Variants in FBXL5 observed in about 807,000 individuals in gnomAD.
The protein encoded by FBXL5 is F-box and leucine rich repeat protein 5, also known as F-box/LRR-repeat protein 5.
Under a neutral mutation model 78.3 loss-of-function variants are expected in FBXL5, and 26 were observed. The ratio of observed to expected loss-of-function variants is 0.33; its 90% CI spans 0.24 to 0.46. The LOEUF (loss-of-function observed/expected upper bound fraction) is 0.46, where lower values mean the gene tolerates loss of function less well. Among genes scored for constraint, FBXL5 ranks in the 20% least tolerant of loss-of-function variants. The pLI, the probability that FBXL5 is intolerant of heterozygous loss-of-function variation, is 1.00. For missense variants in FBXL5, 710 were observed against 829.2 expected (o/e 0.86, Z 1.77); for synonymous variants, 295 against 282.5 (o/e 1.04, Z -0.45).
chr4:15,615,074 G>T (rs1711658303), intron 9 of FBXL5, among the ~76,000 whole-genome samples: 2 of 152,300 alleles, frequency 1.3e-5, no homozygotes, highest in Non-Finnish European at 2.9e-5. Context: ...GGCTGCGGAG[G>T]GTGTACTGGG....
chr4:15,629,212 C>T (rs1713378334), intron 6 of FBXL5, among the ~76,000 whole-genome samples: 2 of 152,058 alleles, frequency 1.3e-5, no homozygotes, highest in South Asian at 4.1e-4. Flanking sequence ...TTAACTTTTC[C>T]TTTTCAATAT....
At chr4:15,647,100 G>A (rs1241120768) in intron 1 of FBXL5, among the ~76,000 whole-genome samples, 1 of 150,882 alleles carries the variant, frequency 6.6e-6, no homozygotes, top group Non-Finnish European at 1.5e-5. Flanking sequence ...GTGTGCACCT[G>A]TAGTCCCAGC....
rs925095169 is a variant in FBXL5 at position 15,605,242 on chromosome 4, G to A, written c.*481C>T. The A allele has an allele frequency of 6.5e-6, 1 of 152,980 alleles. No homozygotes were observed. The highest frequency in any genetic ancestry group is 2.4e-5 in the African/African-American group (1 of 41,444). The allele number at this position is 152,980 out of a possible 1,614,324, so 9.5% of individuals were successfully genotyped here. ...GTGGGTTTGTTTGAATTGGCCTTCT[G>A]AGAATCATTGAAATAAAGGAAATAT... On this transcript the variant is annotated 3_prime_UTR_variant, in exon 11 of 11. Coordinates refer to ENST00000341285, the MANE Select transcript of FBXL5 (RefSeq NM_012161.4).
At chr4:15,624,191 C>T (rs551650786) in intron 9 of FBXL5, among the ~76,000 whole-genome samples, 1 of 152,176 alleles carries the variant, frequency 6.6e-6, no homozygotes, top group South Asian at 2.1e-4. Flanking sequence ...TGGAAGAATT[C>T]TTCATTATAA....
intron 9 of FBXL5, among the ~76,000 whole-genome samples, chr4:15,616,071 G>A (rs1474969181): frequency 6.6e-6 from 1 of 151,804 alleles, no homozygotes; most frequent in East Asian, 1.9e-4. Context: ...GCTGCCTTAA[G>A]AGCTGTAACA....
At chr4:15,639,226 T>A (rs1319357783) in intron 3 of FBXL5, among the ~76,000 whole-genome samples, 2 of 152,186 alleles carry the variant, frequency 1.3e-5, no homozygotes, top group African/African-American at 4.8e-5. Context: ...AGTAAATCAA[T>A]CCAAAACAAT....
At chr4:15,649,529 A>G (rs1715700537) in intron 1 of FBXL5, among the ~76,000 whole-genome samples, 1 of 150,326 alleles carries the variant, frequency 6.7e-6, no homozygotes, top group Admixed American at 6.7e-5. Context: ...GCAGTGAGCC[A>G]AGATCACACC....
intron 1 of FBXL5, among the ~76,000 whole-genome samples, chr4:15,646,815 C>A (rs774863375): frequency 2.0e-5 from 3 of 150,914 alleles, no homozygotes; most frequent in East Asian, 2.0e-4. Flanking sequence ...TTTGTCCTTG[C>A]GACAGTTTGC....
chr4:15,617,608 T>C (rs1156432625), intron 9 of FBXL5, among the ~76,000 whole-genome samples: 1 of 148,630 alleles, frequency 6.7e-6, no homozygotes, highest in Non-Finnish European at 1.5e-5. Context: ...TATGCAGCCA[T>C]AAAAAGGAAC....
chr4:15,669,315 T>C (rs144220493), intron 1 of FBXL5, among the ~76,000 whole-genome samples: 80 of 152,322 alleles, frequency 5.3e-4, no homozygotes, highest in Admixed American at 1.4e-3. Context: ...TAAGTATTTC[T>C]GTATCTAAAT....
At chr4:15,611,402 C>T (rs879279343) in intron 10 of FBXL5, among the ~76,000 whole-genome samples, 3 of 151,912 alleles carry the variant, frequency 2.0e-5, no homozygotes, top group Non-Finnish European at 4.4e-5. Flanking sequence ...GAACTGGGCA[C>T]TCAAAGACAA....
Position 15,625,523 on chromosome 4 carries a change from C to T in FBXL5, c.1579G>A (p.Gly527Arg), listed in dbSNP as rs1712952714. 2 of 1,613,936 alleles carry T rather than the reference C, an allele frequency of 1.2e-6. No individual in the cohort carries two copies. Among genetic ancestry groups the T allele is most frequent in the Non-Finnish European group, 1.7e-6 (2 of 1,179,990 alleles). ...TGCCAACAGACACTAGTCCTTAGTC[C>T]AACAATGTCCTTACTAAAACAACCA... ...TSGCFSKDIV[G>R]LRTSVCWQQH... The change falls in exon 9 of 11, where the codon GGA (glycine) becomes AGA (arginine). Residue 527 changes from glycine to arginine, a missense_variant. Physicochemically the swap from Gly to Arg is moderately radical, Grantham distance 125. This residue lies in a region of FBXL5 where 517 missense variants were observed against 542.9 expected (regional missense o/e 0.95). Coordinates refer to ENST00000341285, the MANE Select transcript of FBXL5 (RefSeq NM_012161.4).
chr4:15,636,119 A>C (rs1204566232), intron 5 of FBXL5, among the ~76,000 whole-genome samples: 3 of 152,080 alleles, frequency 2.0e-5, no homozygotes, highest in Admixed American at 6.6e-5. Context: ...TAATTATTTA[A>C]AGCAGTTTTG....
intron 9 of FBXL5, among the ~76,000 whole-genome samples, 198 bp from the exon 10 acceptor site, chr4:15,612,612 T>C (rs567434796): frequency 7.6e-4 from 115 of 152,260 alleles, no homozygotes; most frequent in African/African-American, 2.7e-3. Context: ...ACATTTTTCC[T>C]AACAACATTC....
In FBXL5 at chr4:15,636,513, G is replaced by A; in HGVS notation, c.747C>T (p.Tyr249=). Residue 249 remains tyrosine (Y), a synonymous_variant, in exon 5 of 11, where the codon TAC becomes TAT. Coordinates refer to ENST00000341285, the MANE Select transcript of FBXL5 (RefSeq NM_012161.4). ...TKTGSLWKHL[Y]PVHWARGDWY... is the part of the protein sequence containing the mutation. The stretch of plus-strand genomic sequence containing the variant: ...ACCTACCTCTGGCCCAATGAACAGG[G>A]TAAAGATGTTTCCAAAGCGATCCCG... The A allele has an allele frequency of 6.2e-7, 1 of 1,609,546 alleles. No homozygotes were observed. Among genetic ancestry groups the A allele is most frequent in the Non-Finnish European group, 8.5e-7 (1 of 1,177,422 alleles).
At chr4:15,606,596 A>G (rs1362311526) in intron 10 of FBXL5, among the ~76,000 whole-genome samples, 2 of 152,230 alleles carry the variant, frequency 1.3e-5, no homozygotes, top group Non-Finnish European at 2.9e-5. Context: ...ATATTTTCAT[A>G]AAAGCAGGCA....
chr4:15,605,685 T>A lies in FBXL5; in HGVS notation c.*38A>T. On this transcript the variant is annotated 3_prime_UTR_variant, in exon 11 of 11. Transcript: ENST00000341285. ...GTAAAGTGCATGAAAGAAAGCCTGC[T>A]CAGCTAAATGAAGTAGACAAAGATC... 9 of 1,581,274 alleles carry A rather than the reference T, an allele frequency of 5.7e-6. No homozygotes were observed. The highest frequency in any genetic ancestry group is 7.8e-6 in the Non-Finnish European group (9 of 1,151,476).
chr4:15,649,931 A>G (rs760797139), intron 1 of FBXL5, among the ~76,000 whole-genome samples: 3 of 152,200 alleles, frequency 2.0e-5, no homozygotes, highest in Admixed American at 6.5e-5. Flanking sequence ...AAACTCTAAC[A>G]TCTATGACTT....
intron 9 of FBXL5, among the ~76,000 whole-genome samples, chr4:15,621,687 TAAG>T (rs1306444132): frequency 6.6e-6 from 1 of 152,212 alleles, no homozygotes; most frequent in African/African-American, 2.4e-5. Context: ...AAAATTTAGA[TAAG>T]AGGCTATTTT....
Sources: allele counts gnomAD v4.1 joint callset (sites outside exome capture counted in the v4.1 genomes callset), GRCh38; gene constraint gnomAD v4.1.1; regional missense constraint gnomAD v4.1.1; transcripts MANE v1.5; gene names NCBI Gene and HGNC (gene_info 2026-07-23, HGNC 2026-07-21).